CSMD1: variants seen among roughly 807,000 people sequenced by gnomAD.
The protein encoded by CSMD1 is CUB and sushi domain-containing protein 1.
CSMD1 carries 213 observed loss-of-function variants against 417.5 expected under a neutral mutation model. The observed-to-expected ratio is 0.51, with a 90% CI of 0.46 to 0.57. The LOEUF is 0.57. Ranked by LOEUF, CSMD1 falls within the 20% of genes least tolerant of loss-of-function variation. CSMD1 has a pLI of 0.00. For missense variants in CSMD1, 6,923 were observed against 4,529.7 expected, an observed-to-expected ratio of 1.53 and a Z score of -15.17; for synonymous variants, 2,862 against 1,736.8, an observed-to-expected ratio of 1.65 and a Z score of -16.11.
At chr8:3,516,668 G>C (rs942026582) in intron 10 of CSMD1, among the ~76,000 whole-genome samples, 8 of 151,980 alleles carry the variant, frequency 5.3e-5, no homozygotes, top group Non-Finnish European at 1.0e-4. Flanking sequence ...TAATGTATTG[G>C]GGTACAGGTG....
At chr8:4,593,851 G>A (rs1421853314) in intron 2 of CSMD1, among the ~76,000 whole-genome samples, 3 of 152,138 alleles carry the variant, frequency 2.0e-5, no homozygotes, top group Non-Finnish European at 4.4e-5. Flanking sequence ...AAGATTGCCT[G>A]TAACAAAATA....
At chr8:3,883,145 T>C (rs1425045923) in intron 5 of CSMD1, among the ~76,000 whole-genome samples, 2 of 152,158 alleles carry the variant, frequency 1.3e-5, no homozygotes, top group Non-Finnish European at 2.9e-5. Context: ...CACATCATAC[T>C]TGCAAGCTCA....
At chr8:4,017,369 G>A (rs547488922) in intron 4 of CSMD1, among the ~76,000 whole-genome samples, 15 of 152,052 alleles carry the variant, frequency 9.9e-5, no homozygotes, top group African/African-American at 2.4e-4. Context: ...GCAATGGTGC[G>A]ATCTTGGCTC....
intron 5 of CSMD1, among the ~76,000 whole-genome samples, chr8:3,993,572 G>C (rs922355504): frequency 1.3e-5 from 2 of 152,136 alleles, no homozygotes; most frequent in Non-Finnish European, 2.9e-5. Flanking sequence ...AATAAACTAA[G>C]GTTACAAAAC....
intron 7 of CSMD1, among the ~76,000 whole-genome samples, chr8:3,696,690 G>C (rs977570371): frequency 1.3e-5 from 2 of 152,174 alleles, no homozygotes; most frequent in Admixed American, 6.5e-5. Flanking sequence ...ACAACAGTCA[G>C]TAAGGGAAGT....
chr8:3,299,785 C>T (rs771139457), intron 25 of CSMD1, among the ~76,000 whole-genome samples: 4 of 152,114 alleles, frequency 2.6e-5, no homozygotes, highest in African/African-American at 4.8e-5. Flanking sequence ...ACAGATATAA[C>T]CAATAAAATG....
At chr8:4,165,595 G>C (rs138096040) in intron 3 of CSMD1, among the ~76,000 whole-genome samples, 2 of 152,268 alleles carry the variant, frequency 1.3e-5, no homozygotes, top group Middle Eastern at 3.4e-3. Context: ...TAGAGACATG[G>C]TCTCACTATG....
intron 7 of CSMD1, among the ~76,000 whole-genome samples, chr8:3,642,024 A>G (rs894603308): frequency 3.3e-5 from 5 of 152,130 alleles, no homozygotes; most frequent in Non-Finnish European, 5.9e-5. Context: ...CCCCCTCACC[A>G]CATCTGCAAA....
chr8:3,672,083 T>C (rs1194603039), intron 7 of CSMD1, among the ~76,000 whole-genome samples: 1 of 152,168 alleles, frequency 6.6e-6, no homozygotes, highest in Non-Finnish European at 1.5e-5. Flanking sequence ...TCAAAGTGTA[T>C]CATTCTAAAA....
chr8:3,918,876 G>C (rs1051871353), intron 5 of CSMD1, among the ~76,000 whole-genome samples: 1 of 151,956 alleles, frequency 6.6e-6, no homozygotes, highest in African/African-American at 2.4e-5. Context: ...GGGACTTGTG[G>C]GGAAAGAATA....
intron 52 of CSMD1, among the ~76,000 whole-genome samples, chr8:3,013,706 C>G (rs117582274): frequency 6.6e-6 from 1 of 150,406 alleles, no homozygotes; most frequent in Non-Finnish European, 1.5e-5. Context: ...GAGCTGAGAT[C>G]ACACCACTGC....
intron 26 of CSMD1, among the ~76,000 whole-genome samples, chr8:3,244,219 G>A (rs1799730266): frequency 6.6e-6 from 1 of 152,174 alleles, no homozygotes; most frequent in Admixed American, 6.5e-5. Context: ...CTATTGCGAG[G>A]CTGGTGGAAC....
At chr8:3,873,290 C>A (rs1805604316) in intron 5 of CSMD1, among the ~76,000 whole-genome samples, 1 of 151,896 alleles carries the variant, frequency 6.6e-6, no homozygotes, top group Non-Finnish European at 1.5e-5. Context: ...ATAGCAAAGA[C>A]ATGGAATCAA....
chr8:4,251,871 G>A (rs553048328), intron 3 of CSMD1, among the ~76,000 whole-genome samples: 5 of 149,576 alleles, frequency 3.3e-5, no homozygotes, highest in Admixed American at 3.3e-4. Flanking sequence ...GAGAGAGAGG[G>A]TGGAGGAAGA....
chr8:3,483,939 A>G (rs13276523), intron 11 of CSMD1, among the ~76,000 whole-genome samples: 1 of 151,924 alleles, frequency 6.6e-6, no homozygotes, highest in African/African-American at 2.4e-5. Context: ...TTCACAGGAC[A>G]CATAGTGTTC....
intron 1 of CSMD1, among the ~76,000 whole-genome samples, chr8:4,810,077 A>G (rs1798809860): frequency 6.6e-6 from 1 of 152,244 alleles, no homozygotes; most frequent in African/African-American, 2.4e-5. Flanking sequence ...AAGTTAGCTC[A>G]TTTGGTAACT....
intron 1 of CSMD1, among the ~76,000 whole-genome samples, chr8:4,706,120 C>T (rs908761614): frequency 3.1e-4 from 46 of 149,852 alleles, no homozygotes; most frequent in South Asian, 4.2e-4. Flanking sequence ...TTTTCATGTC[C>T]TATATATTAC....
At chr8:4,756,048 A>C (rs1040603978) in intron 1 of CSMD1, among the ~76,000 whole-genome samples, 1 of 152,236 alleles carries the variant, frequency 6.6e-6, no homozygotes, top group African/African-American at 2.4e-5. Context: ...TACAAATGCT[A>C]AATCTCCAAC....
intron 1 of CSMD1, among the ~76,000 whole-genome samples, chr8:4,783,540 G>C (rs1259427894): frequency 6.6e-6 from 1 of 152,312 alleles, no homozygotes; most frequent in Middle Eastern, 3.4e-3. Flanking sequence ...AAATTACATG[G>C]CTTTCCCTGG....
Sources: allele counts gnomAD v4.1 joint callset (sites outside exome capture counted in the v4.1 genomes callset), GRCh38; gene constraint gnomAD v4.1.1; transcripts MANE v1.5; gene names NCBI Gene and HGNC (gene_info 2026-07-23, HGNC 2026-07-21).